Variants in CSMD1 observed in about 807,000 individuals in gnomAD.
The protein encoded by CSMD1 is CUB and sushi domain-containing protein 1.
Under a neutral mutation model 417.5 loss-of-function variants are expected in CSMD1, and 213 were observed. That is an observed-to-expected ratio of 0.51 (90% CI 0.46 to 0.57). The LOEUF (loss-of-function observed/expected upper bound fraction) is 0.57. Among genes scored for constraint, CSMD1 ranks in the 20% least tolerant of loss-of-function variants. The probability of loss-of-function intolerance (pLI) is 0.00; values close to 1 mark genes in which losing one functional copy is unlikely to be tolerated. For missense variants in CSMD1, 6,923 were observed against 4,529.7 expected (o/e 1.53, Z -15.17); for synonymous variants, 2,862 against 1,736.8 (o/e 1.65, Z -16.11).
At chr8:3,686,976 G>T (rs896356325) in intron 7 of CSMD1, among the ~76,000 whole-genome samples, 3 of 152,198 alleles carry the variant, frequency 2.0e-5, no homozygotes, top group Admixed American at 2.0e-4. Context: ...GAAGAAGCTT[G>T]TTCAAACGTA....
chr8:4,075,330 A>G (rs2130793091), intron 3 of CSMD1, among the ~76,000 whole-genome samples: 1 of 152,334 alleles, frequency 6.6e-6, no homozygotes, highest in Non-Finnish European at 1.5e-5. Context: ...TTCACCTAAG[A>G]GAATATAGAG....
At position 3,409,502 on chromosome 8, in the gene CSMD1, C is replaced by T. The variant is rs1217287034; in HGVS notation, c.1665G>A (p.Ala555=). The change falls in exon 13 of 70, where the codon GCG becomes GCA. Residue 555 remains alanine, a synonymous_variant. Coordinates refer to ENST00000635120, the MANE Select transcript of CSMD1 (RefSeq NM_033225.6). ...HGDTLTFECP[A]AFELVGERVI... ...CTCTCTCCCCCACCAGCTCAAAGGC[C>T]GCCGGGCATTCAAAGGTGAGTGTAT... is the stretch of plus-strand genomic sequence containing the variant. The T allele has an allele frequency of 4.3e-6, 7 of 1,611,396 alleles. No homozygotes were observed. Among genetic ancestry groups the T allele is most frequent in the Non-Finnish European group, 5.1e-6 (6 of 1,178,914 alleles).
intron 1 of CSMD1, among the ~76,000 whole-genome samples, chr8:4,736,950 C>G (rs1413458072): frequency 6.6e-6 from 1 of 152,172 alleles, no homozygotes; most frequent in Non-Finnish European, 1.5e-5. Flanking sequence ...TCACAGCAAA[C>G]CATTCCATTA....
chr8:2,939,092 G>C (rs1408579390), intron 69 of CSMD1, among the ~76,000 whole-genome samples: 1 of 152,172 alleles, frequency 6.6e-6, no homozygotes, highest in African/African-American at 2.4e-5. Context: ...AGCCTCCTGG[G>C]TAACTGGGAT....
chr8:3,974,955 C>T (rs1055174667), intron 5 of CSMD1, among the ~76,000 whole-genome samples: 1 of 152,078 alleles, frequency 6.6e-6, no homozygotes, highest in Non-Finnish European at 1.5e-5. Flanking sequence ...AAACTAACAC[C>T]TGTTAAGAAT....
intron 1 of CSMD1, among the ~76,000 whole-genome samples, chr8:4,754,801 A>G (rs1368543880): frequency 6.6e-6 from 1 of 152,108 alleles, no homozygotes; most frequent in Non-Finnish European, 1.5e-5. Flanking sequence ...GTGAGCCGAG[A>G]TCGCACCACT....
intron 3 of CSMD1, among the ~76,000 whole-genome samples, chr8:4,306,836 A>T (rs995765045): frequency 6.3e-4 from 6 of 9,530 alleles, no homozygotes; most frequent in Admixed American, 1.8e-3. Flanking sequence ...CTCCAGATTT[A>T]AAAAAAATCT....
intron 3 of CSMD1, among the ~76,000 whole-genome samples, chr8:4,259,841 G>C (rs1385592661): frequency 6.6e-6 from 1 of 151,910 alleles, no homozygotes; most frequent in Non-Finnish European, 1.5e-5. Context: ...ATATTGTTTT[G>C]GAATTCATCC....
chr8:4,447,695 A>T (rs1798894878), intron 2 of CSMD1, among the ~76,000 whole-genome samples: 1 of 152,208 alleles, frequency 6.6e-6, no homozygotes, highest in African/African-American at 2.4e-5. Context: ...TTGTTTTAGA[A>T]AGTGCACTCA....
chr8:4,069,218 T>C (rs935908454), intron 3 of CSMD1, among the ~76,000 whole-genome samples: 4 of 152,146 alleles, frequency 2.6e-5, no homozygotes, highest in Admixed American at 6.5e-5. Flanking sequence ...GAATGTAAAA[T>C]TGTCATACAG....
At chr8:3,167,503 A>G (rs1182637952) in intron 37 of CSMD1, among the ~76,000 whole-genome samples, 7 of 152,208 alleles carry the variant, frequency 4.6e-5, no homozygotes, top group African/African-American at 1.7e-4. Context: ...AGGCATTGGG[A>G]AAGGAGGTGG....
At chr8:4,474,390 G>T (rs1800689397) in intron 2 of CSMD1, among the ~76,000 whole-genome samples, 1 of 152,116 alleles carries the variant, frequency 6.6e-6, no homozygotes, top group East Asian at 1.9e-4. Flanking sequence ...AATAAGAGGA[G>T]GACAGAGAAT....
intron 5 of CSMD1, among the ~76,000 whole-genome samples, chr8:3,840,592 G>C (rs534995518): frequency 6.6e-6 from 1 of 152,044 alleles, no homozygotes; most frequent in African/African-American, 2.4e-5. Context: ...AAACATGTGA[G>C]TGTATGTATA....
intron 12 of CSMD1, among the ~76,000 whole-genome samples, chr8:3,437,302 C>T (rs1452120836): frequency 6.6e-6 from 1 of 152,190 alleles, no homozygotes; most frequent in Non-Finnish European, 1.5e-5. Context: ...GCTCTCAACA[C>T]GTCAACCCCA....
At chr8:3,681,760 T>C (rs1261927823) in intron 7 of CSMD1, among the ~76,000 whole-genome samples, 1 of 152,156 alleles carries the variant, frequency 6.6e-6, no homozygotes, top group Non-Finnish European at 1.5e-5. Flanking sequence ...AGAACAAAGC[T>C]GGAGGCATCA....
intron 50 of CSMD1, among the ~76,000 whole-genome samples, chr8:3,048,660 GC>G (rs1254521162): frequency 6.6e-6 from 1 of 152,126 alleles, no homozygotes. Context: ...AAATTGTGGT[GC>G]CCTTGGGTTT....
chr8:3,789,511 C>G (rs1483752880), intron 5 of CSMD1, among the ~76,000 whole-genome samples: 1 of 147,352 alleles, frequency 6.8e-6, no homozygotes, highest in African/African-American at 2.5e-5. Flanking sequence ...GAAATGCTAC[C>G]ATTCAGGTTT....
rs530201579 is a variant in CSMD1 at position 4,775,508 on chromosome 8, G to C, written c.86-137950C>G. Among the ~76,000 whole-genome samples the C allele has an allele frequency of 1.5e-4, 23 of 152,282 alleles. No individual in the cohort carries two copies. The East Asian group carries it at 4.2e-3, about 28-fold the overall frequency. On this transcript the variant is annotated intron_variant, in intron 1 of 69. Coordinates refer to ENST00000635120, the MANE Select transcript of CSMD1 (RefSeq NM_033225.6). ...TATAAAATAAGCAATCATTTTCCTT[G>C]TAAGAATTCAGGGGTTCCTATCAGA... is the stretch of plus-strand genomic sequence containing the variant.
At chr8:3,294,715 C>T (rs528018349) in intron 25 of CSMD1, among the ~76,000 whole-genome samples, 74 of 152,244 alleles carry the variant, frequency 4.9e-4, no homozygotes, top group South Asian at 1.0e-3. Context: ...TTCCAGGTGC[C>T]ATCTGTCACC....
Sources: gnomAD v4.1 joint callset for allele counts (sites outside exome capture counted in the v4.1 genomes callset) on GRCh38, gnomAD v4.1.1 for gene constraint, MANE v1.5 for transcripts, NCBI Gene and HGNC (gene_info 2026-07-23, HGNC 2026-07-21) for gene names.